The following MROH2B variants were observed in gnomAD, a reference collection of about 807,000 sequenced individuals.
MROH2B encodes the protein maestro heat-like repeat-containing protein family member 2B.
Under a neutral mutation model 208.6 loss-of-function variants are expected in MROH2B, and 177 were observed. The ratio of observed to expected loss-of-function variants is 0.85; its 90% confidence interval spans 0.75 to 0.96. The LOEUF (loss-of-function observed/expected upper bound fraction) is 0.96, where lower values mean the gene tolerates loss of function less well. Among genes scored for constraint, MROH2B ranks in the 40% least tolerant of loss-of-function variants. MROH2B has a pLI of 0.00. For missense variants in MROH2B, 2,002 were observed against 1,878.7 expected (o/e 1.07, Z -1.21); for synonymous variants, 728 against 659.0 (o/e 1.10, Z -1.60).
At position 41,038,837 on chromosome 5, in the gene MROH2B, A is replaced by T. The variant is rs577247575; in HGVS notation, c.2113T>A (p.Tyr705Asn). Residue 705 changes from tyrosine to asparagine, a missense_variant, in exon 21 of 42, where the codon TAT becomes AAT. By Grantham distance (143) the Tyr-to-Asn change is moderately radical (BLOSUM62 -2). Transcript: ENST00000399564. Reference sequence around the variant, plus strand: ...GGAGCATGGAGGGCCACTGCTCCATAGATGACCATGACATCTGTCTTGGTC... The same window carrying T: ...GGAGCATGGAGGGCCACTGCTCCATTGATGACCATGACATCTGTCTTGGTC... ...SLTKTDVMVI[Y>N]GAVALHAPKK... 1 of 1,613,698 alleles carries T rather than the reference A, an allele frequency of 6.2e-7. No homozygotes were observed. Among genetic ancestry groups the T allele is most frequent in the Non-Finnish European group, 8.5e-7 (1 of 1,179,736 alleles).
At chr5:41,057,199 G>A (rs1579955363) in intron 8 of MROH2B, 21 bp from the exon 9 acceptor site, 1 of 1,613,414 alleles carries the variant, frequency 6.2e-7, no homozygotes, top group East Asian at 2.2e-5. Flanking sequence ...GTGGAAATCA[G>A]GTGGTAGATG....
At chr5:41,055,667 G>T in intron 10 of MROH2B, 75 bp downstream of exon 10, 3 of 1,059,640 alleles carry the variant, frequency 2.8e-6, no homozygotes, top group Non-Finnish European at 2.9e-6. Flanking sequence ...CATAGGATAG[G>T]ATTAGAGAGT....
At chr5:41,023,035 C>T (rs971777699) in intron 24 of MROH2B, among the ~76,000 whole-genome samples, 3 of 152,138 alleles carry the variant, frequency 2.0e-5, no homozygotes, top group African/African-American at 7.2e-5. Flanking sequence ...CACCAAAACC[C>T]CGTCTGTACA....
At chr5:41,008,493 T>C (rs1359100939) in intron 33 of MROH2B, 113 bp downstream of exon 33, 1 of 1,254,936 alleles carries the variant, frequency 8.0e-7, no homozygotes, top group Non-Finnish European at 1.1e-6. Context: ...GCCTTGTTTC[T>C]TCATGGACAA....
At chr5:41,063,477 A>G (rs1184977001) in intron 5 of MROH2B, among the ~76,000 whole-genome samples, 1 of 152,224 alleles carries the variant, frequency 6.6e-6, no homozygotes, top group Non-Finnish European at 1.5e-5. Context: ...GTTAAATGAA[A>G]TAGTAATCTT....
At chr5:41,005,130 C>A (rs973378105) in intron 35 of MROH2B, 1 of 593,886 alleles carries the variant, frequency 1.7e-6, no homozygotes, top group Non-Finnish European at 2.9e-6. Context: ...GATGTAAACC[C>A]GGTTACCTGC....
intron 20 of MROH2B, 93 bp downstream of exon 20, chr5:41,039,355 A>G: frequency 1.4e-6 from 1 of 712,924 alleles, no homozygotes; most frequent in East Asian, 2.7e-5. Flanking sequence ...TGGGGACAGG[A>G]GTAAGTATAA....
intron 4 of MROH2B, 58 bp from the exon 5 acceptor site, chr5:41,064,628 T>G: frequency 7.6e-7 from 1 of 1,318,936 alleles, no homozygotes; most frequent in Non-Finnish European, 1.1e-6. Flanking sequence ...TTTGGGGTTC[T>G]GTGACTCCAA....
chr5:41,004,100 A>G (rs886594827), intron 37 of MROH2B, among the ~76,000 whole-genome samples: 3 of 152,106 alleles, frequency 2.0e-5, no homozygotes, highest in African/African-American at 7.2e-5. Context: ...TTCCTAGGGC[A>G]TTTCTTCCCC....
At chr5:41,016,538 G>A (rs1177784722) in intron 28 of MROH2B, among the ~76,000 whole-genome samples, 3 of 110,462 alleles carry the variant, frequency 2.7e-5, no homozygotes, top group Admixed American at 1.4e-4. Flanking sequence ...AGTCTCCCAG[G>A]TGTGATCTCG....
At chr5:41,018,528 G>T (rs1742031627) in intron 26 of MROH2B, 98 bp from the exon 27 acceptor site, 10 of 1,458,154 alleles carry the variant, frequency 6.9e-6, no homozygotes, top group Non-Finnish European at 9.4e-6. Context: ...GTAACACGGT[G>T]CTCACCTCCC....
At chr5:41,045,078 G>A (rs1743074297) in intron 18 of MROH2B, among the ~76,000 whole-genome samples, 1 of 152,168 alleles carries the variant, frequency 6.6e-6, no homozygotes, top group Non-Finnish European at 1.5e-5. Context: ...ACCCCATTTG[G>A]AATGGATGGC....
chr5:41,024,533 A>C (rs1403924552), intron 24 of MROH2B, among the ~76,000 whole-genome samples: 12 of 152,230 alleles, frequency 7.9e-5, no homozygotes, highest in Admixed American at 5.2e-4. Context: ...AGATTCATAA[A>C]GCAAGTCCTG....
intron 1 of MROH2B, among the ~76,000 whole-genome samples, chr5:41,070,466 A>C (rs1431861814): frequency 6.6e-6 from 1 of 152,166 alleles, no homozygotes; most frequent in Non-Finnish European, 1.5e-5. Flanking sequence ...CATTTAGGGC[A>C]ATCTTTTTGG....
chr5:41,045,689 G>A, intron 18 of MROH2B, 57 bp downstream of exon 18: 2 of 1,292,730 alleles, frequency 1.5e-6, no homozygotes, highest in Admixed American at 1.7e-5. Context: ...TGGAGCTAGA[G>A]CAGCCATTTT....
intron 9 of MROH2B, 135 bp downstream of exon 9, chr5:41,056,974 T>G: frequency 1.1e-6 from 1 of 912,338 alleles, no homozygotes; most frequent in Non-Finnish European, 1.7e-6. Flanking sequence ...CACAGAAAAC[T>G]GTGAGCTAAA....
chr5:41,047,743 AGAAC>A lies in MROH2B; in HGVS notation c.1702_1705del (p.Val568TyrfsTer26). ...TACCTGAAGCAGCATGGTTTCCCATAGAACGGTACTGATGTTCTTTCCTAGAAAC... is the reference window on the plus strand; with the variant it reads ...TACCTGAAGCAGCATGGTTTCCCATAGGTACTGATGTTCTTTCCTAGAAAC... On this transcript the variant is annotated frameshift_variant, in exon 17 of 42. Transcript: ENST00000399564. LOFTEE classifies it high-confidence loss of function. The A allele has an allele frequency of 6.3e-7, 1 of 1,595,230 alleles. No homozygotes were observed. Among genetic ancestry groups the A allele is most frequent in the Non-Finnish European group, 8.5e-7 (1 of 1,169,950 alleles).
intron 31 of MROH2B, 101 bp downstream of exon 31, chr5:41,009,821 C>T: frequency 8.3e-7 from 1 of 1,200,326 alleles, no homozygotes; most frequent in Non-Finnish European, 1.1e-6. Flanking sequence ...GAGCTATTTT[C>T]AACCTTTGTT....
At chr5:41,020,907 CA>C (rs1330411542) in intron 24 of MROH2B, among the ~76,000 whole-genome samples, 1 of 152,178 alleles carries the variant, frequency 6.6e-6, no homozygotes, top group Non-Finnish European at 1.5e-5. Flanking sequence ...ACCATTTTTA[CA>C]ACTTCTATTT....
Sources: allele counts gnomAD v4.1 joint callset (sites outside exome capture counted in the v4.1 genomes callset), GRCh38; gene constraint gnomAD v4.1.1; transcripts MANE v1.5; gene names NCBI Gene and HGNC (gene_info 2026-07-23, HGNC 2026-07-21).